FERMT3: variants seen among roughly 807,000 people sequenced by gnomAD.
The protein encoded by FERMT3 is fermitin family homolog 3.
A neutral mutation model predicts 80.8 loss-of-function variants in FERMT3; 33 were observed. The ratio of observed to expected loss-of-function variants is 0.41; its 90% confidence interval spans 0.31 to 0.55. The LOEUF (loss-of-function observed/expected upper bound fraction) is 0.55. Among genes scored for constraint, FERMT3 ranks in the 20% least tolerant of loss-of-function variants. The probability of loss-of-function intolerance (pLI) is 0.31; values close to 1 mark genes in which losing one functional copy is unlikely to be tolerated. For synonymous variants in FERMT3, 375 were observed against 372.2 expected, an observed-to-expected ratio of 1.01 and a Z score of -0.09; for missense variants, 754 against 908.7, an observed-to-expected ratio of 0.83 and a Z score of 2.19.
Position 64,223,385 on chromosome 11 carries a change from G to C in FERMT3, c.1885G>C (p.Glu629Gln). ...CVSASCRIVH[E>Q]YIGGYIFLST... ...GTCTGCCAGCTGCCGAATTGTACACGAGTATATCGGGGGCTACATTTTCCT... is the reference window on the plus strand; with the variant it reads ...GTCTGCCAGCTGCCGAATTGTACACCAGTATATCGGGGGCTACATTTTCCT... The change falls in exon 15 of 15, where the codon GAG becomes CAG. Residue 629 changes from glutamate (E) to glutamine (Q), a missense_variant. Coordinates refer to ENST00000345728, the MANE Select transcript of FERMT3 (RefSeq NM_031471.6). The C allele has an allele frequency of 6.2e-7, 1 of 1,614,006 alleles. No individual in the cohort carries two copies. The highest frequency in any genetic ancestry group is 8.5e-7 in the Non-Finnish European group (1 of 1,180,044).
intron 1 of FERMT3, among the ~76,000 whole-genome samples, 168 bp downstream of exon 1, chr11:64,206,982 A>G (rs1946323642): frequency 6.6e-6 from 1 of 152,094 alleles, no homozygotes; most frequent in Middle Eastern, 3.4e-3. Context: ...GATCGGAACT[A>G]CTTCCTGGCC....
rs1946440357 is a variant in FERMT3, at chr11:64,211,568, C to T, written c.684-77C>T. 2 of 1,514,304 alleles carry T rather than the reference C, an allele frequency of 1.3e-6. No individual in the cohort carries two copies. Among genetic ancestry groups the T allele is most frequent in the East Asian group, 2.3e-5 (1 of 42,898 alleles). The allele number at this position is 1,514,304 out of a possible 1,614,324, so 93.8% of individuals were successfully genotyped here. A position where few individuals can be genotyped will look rare whatever the true frequency, so the allele number is the denominator to read the frequency against. ...AGGCCTTTTCTCTGTGTGTGCTTGT[C>T]CCCCCAGCCCAGCCCCCCTCCCCAC... On this transcript the variant is annotated intron_variant, in intron 5 of 14. Coordinates refer to ENST00000345728, the MANE Select transcript of FERMT3 (RefSeq NM_031471.6). This position sits in a 1 kb window ranked among gnomAD's most constrained non-coding sequence, Gnocchi z 4.7.
chr11:64,207,236 C>G (rs1366311036), intron 1 of FERMT3, 115 bp from the exon 2 acceptor site: 8 of 1,262,902 alleles, frequency 6.3e-6, no homozygotes. Context: ...CACTCCCGCC[C>G]TCCTTCATGA....
chr11:64,220,931 G>A, intron 12 of FERMT3, 85 bp from the exon 13 acceptor site: 1 of 1,574,668 alleles, frequency 6.4e-7, no homozygotes, highest in Non-Finnish European at 8.6e-7. Context: ...CTCACATGCT[G>A]TCACCCTGAT....
intron 6 of FERMT3, among the ~76,000 whole-genome samples, chr11:64,215,761 A>T (rs1166043198): frequency 6.6e-6 from 1 of 151,154 alleles, no homozygotes; most frequent in Non-Finnish European, 1.5e-5. Flanking sequence ...TTGTTTAGAG[A>T]TGGAGTTTTG....
At position 64,223,446 on chromosome 11, in the gene FERMT3, A is replaced by G. The variant is rs1946770309; in HGVS notation, c.1946A>G (p.Asp649Gly). 1 of 1,612,696 alleles carries G rather than the reference A, an allele frequency of 6.2e-7. No homozygotes were observed. Among genetic ancestry groups the G allele is most frequent in the Non-Finnish European group, 8.5e-7 (1 of 1,180,016 alleles). The change falls in exon 15 of 15, where the codon GAT becomes GGT. Residue 649 changes from aspartate (D) to glycine (G), a missense_variant. Coordinates refer to ENST00000345728, the MANE Select transcript of FERMT3 (RefSeq NM_031471.6). Reference protein sequence around the residue: ...TRERARGEELDEDLFLQLTGG... With the variant: ...TRERARGEELGEDLFLQLTGG... ...GAGCGGGCCCGTGGGGAGGAGCTGG[A>G]TGAAGACCTCTTCCTGCAGCTCACC... is the stretch of plus-strand genomic sequence containing the variant.
chr11:64,207,780 CAA>C, intron 2 of FERMT3: 1 of 477,850 alleles, frequency 2.1e-6, no homozygotes, highest in Non-Finnish European at 3.8e-6. Context: ...ATTCAGCCAC[CAA>C]TAGGGGCAGA....
At chr11:64,221,194 A>T in intron 13 of FERMT3, 54 bp downstream of exon 13, 1 of 1,563,064 alleles carries the variant, frequency 6.4e-7, no homozygotes, top group East Asian at 2.3e-5. Context: ...CTCACCTGCC[A>T]CCCGGCTGCT....
At chr11:64,216,288 C>G (rs969556737) in intron 6 of FERMT3, among the ~76,000 whole-genome samples, 76 of 151,336 alleles carry the variant, frequency 5.0e-4, no homozygotes, top group Admixed American at 9.2e-4. Flanking sequence ...CCTCTGCCCC[C>G]CTGGTTCAAG....
rs1946762955 is a variant in FERMT3, at chr11:64,223,326, T to C, written c.1826T>C (p.Phe609Ser). Residue 609 changes from phenylalanine (F) to serine (S), a missense_variant, in exon 15 of 15, where the codon TTT (phenylalanine) becomes TCT (serine). Phe to Ser is a radical substitution (Grantham distance 155). Coordinates refer to ENST00000345728, the MANE Select transcript of FERMT3 (RefSeq NM_031471.6). ...TCTGCCCTTCAGGTGGCCATCGAGT[T>C]TGATGAACACATCAATGTGGCCTTC... ...NWDIRQVAIE[F>S]DEHINVAFSC... is the part of the protein sequence containing the mutation. 6.2e-7 allele frequency: 1 copy of C among 1,614,068 alleles called. No individual in the cohort carries two copies. Among genetic ancestry groups the C allele is most frequent in the Non-Finnish European group, 8.5e-7 (1 of 1,180,032 alleles).
In FERMT3 at chr11:64,211,352, C is replaced by G; in HGVS notation, c.592C>G (p.Leu198Val). ...CCAGACTGAGGCCTGCTACCACATG[C>G]TGAGCCGGCCCCAGCCGCCACCCGA... The part of the protein sequence containing the change: ...SAQTEACYHM[L>V]SRPQPPPDPL... The change falls in exon 5 of 15, where the codon CTG (leucine) becomes GTG (valine). Residue 198 changes from leucine to valine, a missense_variant. Transcript: ENST00000345728. The surrounding 1 kb of genome is among the most constrained non-coding windows in gnomAD (Gnocchi z 4.7). 1.9e-6 allele frequency: 3 copies of G among 1,611,956 alleles called. No individual in the cohort carries two copies. The highest frequency in any genetic ancestry group is 2.5e-6 in the Non-Finnish European group (3 of 1,179,538).
intron 6 of FERMT3, among the ~76,000 whole-genome samples, chr11:64,213,200 T>C (rs1253021420): frequency 6.6e-6 from 1 of 152,068 alleles, no homozygotes; most frequent in East Asian, 1.9e-4. Context: ...CTAATTTTTG[T>C]ATTTTTTTAG....
Position 64,218,350 on chromosome 11 carries a change from C to G in FERMT3, c.787-901C>G, listed in dbSNP as rs182941479. On this transcript the variant is annotated intron_variant, in intron 6 of 14. Transcript: ENST00000345728. Reference sequence around the variant, plus strand: ...ACAAGGTCTCACTCTATCCCCCAAGCTGGAGTGCAATGGTGCAATTACAGC... The same window carrying G: ...ACAAGGTCTCACTCTATCCCCCAAGGTGGAGTGCAATGGTGCAATTACAGC... Among the ~76,000 whole-genome samples the G allele has an allele frequency of 1.0e-3, 159 of 152,092 alleles. 1 individual carries two copies. Among genetic ancestry groups the G allele is most frequent in the Middle Eastern group, 3.4e-3 (1 of 294 alleles).
Position 64,210,360 on chromosome 11 carries a change from A to C in FERMT3, c.161-251A>C, listed in dbSNP as rs78035833. Among the ~76,000 whole-genome samples the C allele has an allele frequency of 3.3e-3, 507 of 152,316 alleles. 2 individuals are homozygous for C. The highest frequency in any genetic ancestry group is 0.018 in the East Asian group (94 of 5,180). On this transcript the variant is annotated intron_variant, in intron 2 of 14. Transcript: ENST00000345728. The surrounding 1 kb of genome is among the most constrained non-coding windows in gnomAD (Gnocchi z 4.3). ...GGGGCGCTAAGATTGGGGCACTCAG[A>C]TGCTGGGTTGGAGAGCTCCCCTGGG...
chr11:64,207,268 C>T, intron 1 of FERMT3, 83 bp from the exon 2 acceptor site: 1 of 1,544,968 alleles, frequency 6.5e-7, no homozygotes, highest in Admixed American at 1.7e-5. Context: ...CTGGGTGTGT[C>T]CAGGGCATCA....
Position 64,214,140 on chromosome 11 carries a change from C to T in FERMT3, c.786+2393C>T, listed in dbSNP as rs565458927. Among the ~76,000 whole-genome samples, 6 of 147,534 alleles carry T rather than the reference C, an allele frequency of 4.1e-5. No homozygotes were observed. The South Asian group carries it at 1.3e-3, about 32-fold the overall frequency. ...ACTATGATTATTTTTTCCCTTTTTGCTCAAATGGTTTTGAAGTTCATAATT... is the reference window on the plus strand; with the variant it reads ...ACTATGATTATTTTTTCCCTTTTTGTTCAAATGGTTTTGAAGTTCATAATT... On this transcript the variant is annotated intron_variant, in intron 6 of 14. Transcript: ENST00000345728.
At chr11:64,213,555 A>ACT (rs1946487557) in intron 6 of FERMT3, among the ~76,000 whole-genome samples, 1 of 120,708 alleles carries the variant, frequency 8.3e-6, no homozygotes, top group Admixed American at 9.2e-5. Flanking sequence ...GCCTGGCCTA[A>ACT]TTTTTTTTTT....
rs1015858275 is a variant in FERMT3 at position 64,207,333 on chromosome 11, C to T, written c.-14-18C>T. ...TACCAGGGCCTGCCCACCTTGCCTC[C>T]TTCCACACTCTCTGTAGCAGCAGCC... On this transcript the variant is annotated intron_variant, in intron 1 of 14. Coordinates refer to ENST00000345728, the MANE Select transcript of FERMT3 (RefSeq NM_031471.6). 3.1e-6 allele frequency: 5 copies of T among 1,613,926 alleles called. No individual in the cohort carries two copies. Among genetic ancestry groups the T allele is most frequent in the Admixed American group, 1.7e-5 (1 of 59,994 alleles).
At chr11:64,220,142 G>A in intron 10 of FERMT3, 78 bp from the exon 11 acceptor site, 1 of 1,574,452 alleles carries the variant, frequency 6.4e-7, no homozygotes, top group South Asian at 1.1e-5. Flanking sequence ...AGGTGACGGT[G>A]TGGGCTAGGA....
Sources: allele counts gnomAD v4.1 joint callset (sites outside exome capture counted in the v4.1 genomes callset), GRCh38; gene constraint gnomAD v4.1.1; non-coding constraint Gnocchi (gnomAD v3.1); transcripts MANE v1.5; gene names NCBI Gene and HGNC (gene_info 2026-07-23, HGNC 2026-07-21).